The following ZNF518A variants were observed in gnomAD, a reference collection of about 807,000 sequenced individuals.
The protein encoded by ZNF518A is zinc finger protein 518.
A neutral mutation model predicts 102.7 loss-of-function variants in ZNF518A; 47 were observed. The ratio of observed to expected loss-of-function variants is 0.46; its 90% CI spans 0.36 to 0.58. ZNF518A has a LOEUF of 0.58. ZNF518A is among the 20% of genes least tolerant of loss of function. ZNF518A has a pLI of 0.00. For missense variants in ZNF518A, 1,793 were observed against 1,699.8 expected (o/e 1.05, Z -0.96); for synonymous variants, 652 against 594.6 (o/e 1.10, Z -1.40).
rs782670353 is a variant in ZNF518A at position 96,160,627 on chromosome 10, G to C, written c.4305G>C (p.Gln1435His). The C allele has an allele frequency of 6.2e-7, 1 of 1,613,052 alleles. No homozygotes were observed. The highest frequency in any genetic ancestry group is 8.5e-7 in the Non-Finnish European group (1 of 1,179,468). ...AAAAGACAAGCAAAAACAATTACCA[G>C]ATTGTGAAGACTACCTCTGAAAATA... The part of the protein sequence containing the change: ...TLKKTSKNNY[Q>H]IVKTTSENIL... The change falls in exon 6 of 6, where the codon CAG becomes CAC. Residue 1435 changes from glutamine to histidine, a missense_variant. Gln to His is a conservative substitution (Grantham distance 24). Around this residue, in one of 3 missense-constraint regions of ZNF518A, gnomAD observed 30 missense variants for 61.1 expected, o/e 0.49. Coordinates refer to ENST00000316045, the MANE Select transcript of ZNF518A (RefSeq NM_001330736.2).
chr10:96,152,982 A>C (rs587672246), intron 3 of ZNF518A, among the ~76,000 whole-genome samples: 1 of 152,328 alleles, frequency 6.6e-6, no homozygotes, highest in African/African-American at 2.4e-5. Context: ...GAAATCCTGT[A>C]AGAGGTTGTC....
downstream of ZNF518A, chr10:96,204,456 T>G: frequency 7.0e-7 from 1 of 1,433,876 alleles, no homozygotes; most frequent in South Asian, 1.1e-5. Flanking sequence ...TCAGTGTCAC[T>G]GTGCAGTGAA....
rs782642001 is a variant in ZNF518A, at chr10:96,160,570, G to A, written c.4248G>A (p.Val1416=). ...AAACATTTAAACCTGTTAGTTCTGT[G>A]AAAGAAAGATTTGTGCTAAAATTAA... is the stretch of plus-strand genomic sequence containing the variant. ...RHKTFKPVSS[V]KERFVLKLTL... Residue 1416 remains valine (V), a synonymous_variant, in exon 6 of 6, where the codon GTG becomes GTA. Coordinates refer to ENST00000316045, the MANE Select transcript of ZNF518A (RefSeq NM_001330736.2). 5 of 1,611,956 alleles carry A rather than the reference G, an allele frequency of 3.1e-6. No individual in the cohort carries two copies. The highest frequency in any genetic ancestry group is 1.7e-4 in the Middle Eastern group (1 of 6,050).
chr10:96,141,290 T>A (rs2081912058), intron 3 of ZNF518A, among the ~76,000 whole-genome samples: 1 of 151,912 alleles, frequency 6.6e-6, no homozygotes, highest in Non-Finnish European at 1.5e-5. Flanking sequence ...CACTGGCTAT[T>A]CTTTAAGTGG....
intron 1 of ZNF518A, among the ~76,000 whole-genome samples, chr10:96,192,720 G>A (rs1245795886): frequency 1.3e-5 from 2 of 151,938 alleles, no homozygotes; most frequent in African/African-American, 4.8e-5. Flanking sequence ...TTGTCTATGG[G>A]TTTTAATTTA....
chr10:96,131,876 T>C (rs2081355356), intron 1 of ZNF518A, among the ~76,000 whole-genome samples: 1 of 152,220 alleles, frequency 6.6e-6, no homozygotes, highest in South Asian at 2.1e-4. Context: ...TTAGCCTAGA[T>C]CTATAATTTG....
intron 3 of ZNF518A, among the ~76,000 whole-genome samples, chr10:96,136,203 C>T (rs1554874338): frequency 6.6e-6 from 1 of 151,788 alleles, no homozygotes; most frequent in Non-Finnish European, 1.5e-5. Context: ...CATATAATTT[C>T]ATTTTTGTAT....
At chr10:96,164,756 A>T (rs587634923), downstream of ZNF518A, among the ~76,000 whole-genome samples, 3 of 152,342 alleles carry the variant, frequency 2.0e-5, no homozygotes, top group Admixed American at 2.0e-4. Flanking sequence ...AATTTAGGAG[A>T]TGCCAAGAAT....
intron 1 of ZNF518A, among the ~76,000 whole-genome samples, chr10:96,169,025 T>C (rs141462970): frequency 6.6e-6 from 1 of 152,348 alleles, no homozygotes; most frequent in Non-Finnish European, 1.5e-5. Context: ...GTATTATTAC[T>C]AACTTATCTA....
chr10:96,157,209 A>T lies in ZNF518A; in HGVS notation c.887A>T (p.Glu296Val), dbSNP rs781819625. The change falls in exon 6 of 6, where the codon GAA (glutamate) becomes GTA (valine). Residue 296 changes from glutamate to valine, a missense_variant. Glu to Val is a moderately radical substitution (Grantham distance 121). Transcript: ENST00000316045. ...CATTTATATGCAAAAGAAAAACTGG[A>T]AAAAGACAAATATGAAAAAAGAATG... ...KEHLYAKEKL[E>V]KDKYEKRMAK... The T allele has an allele frequency of 3.7e-6, 6 of 1,609,714 alleles. No homozygotes were observed. Among genetic ancestry groups the T allele is most frequent in the Non-Finnish European group, 5.1e-6 (6 of 1,178,256 alleles).
At position 96,157,477 on chromosome 10, in the gene ZNF518A, C is replaced by T. The variant is rs782169818; in HGVS notation, c.1155C>T (p.Ala385=). The change falls in exon 6 of 6, where the codon GCC becomes GCT. Residue 385 remains alanine (A), a synonymous_variant. Coordinates refer to ENST00000316045, the MANE Select transcript of ZNF518A (RefSeq NM_001330736.2). ...TACACTGTGAGAATAATGATAAAGCCCCTGAATCAGAGTCAGAGAAGCCAA... is the reference window on the plus strand; with the variant it reads ...TACACTGTGAGAATAATGATAAAGCTCCTGAATCAGAGTCAGAGAAGCCAA... ...ERLHCENNDK[A]PESESEKPTP... is the part of the protein sequence containing the mutation. 2 of 1,613,562 alleles carry T rather than the reference C, an allele frequency of 1.2e-6. No individual in the cohort carries two copies. The highest frequency in any genetic ancestry group is 1.7e-5 in the Admixed American group (1 of 59,972).
intron 1 of ZNF518A, among the ~76,000 whole-genome samples, chr10:96,175,626 G>C (rs1049951295): frequency 6.6e-6 from 1 of 152,172 alleles, no homozygotes; most frequent in Non-Finnish European, 1.5e-5. Context: ...AGCCACATTG[G>C]TTATAGAGAG....
chr10:96,154,333 A>G (rs2082592081), intron 3 of ZNF518A, among the ~76,000 whole-genome samples: 2 of 151,956 alleles, frequency 1.3e-5, no homozygotes, highest in Non-Finnish European at 2.9e-5. Context: ...AGACCCTGTC[A>G]TCAATCTTTT....
At position 96,198,152 on chromosome 10, in the gene ZNF518A, C is replaced by T. The variant is rs1382814205; in HGVS notation, n.36-5422C>T. 7.2e-5 allele frequency among the ~76,000 whole-genome samples: 11 copies of T among 151,760 alleles called. No homozygotes were observed. The East Asian group carries it at 7.7e-4, about 11-fold the overall frequency. ...AACAAATTATAAGATGTCCAAGGGACGAGAGCTTCAAATGAAGATTTAAGA... is the reference window on the plus strand; with the variant it reads ...AACAAATTATAAGATGTCCAAGGGATGAGAGCTTCAAATGAAGATTTAAGA... On this transcript the variant is annotated intron_variant and non_coding_transcript_variant, in intron 1 of 2. Coordinates refer to the ZNF518A transcript ENST00000442635.
chr10:96,191,565 C>T (rs1183655170), intron 1 of ZNF518A: 2 of 170,478 alleles, frequency 1.2e-5, no homozygotes, highest in Non-Finnish European at 2.5e-5. Context: ...TTAACCAAGA[C>T]TTAATTGTCA....
chr10:96,142,794 A>G (rs983696657), intron 3 of ZNF518A, among the ~76,000 whole-genome samples: 22 of 150,644 alleles, frequency 1.5e-4, no homozygotes, highest in Admixed American at 1.3e-4. Flanking sequence ...TCCGGACCCA[A>G]TGTGTGATTT....
At chr10:96,164,047 G>A (rs192818553), downstream of ZNF518A, among the ~76,000 whole-genome samples, 1 of 152,298 alleles carries the variant, frequency 6.6e-6, no homozygotes, top group Non-Finnish European at 1.5e-5. Flanking sequence ...CTTATGAAGG[G>A]ATTAAAAATG....
intron 3 of ZNF518A, among the ~76,000 whole-genome samples, chr10:96,134,011 G>A (rs1554873368): frequency 6.6e-6 from 1 of 152,172 alleles, no homozygotes. Context: ...AATTCTGAAT[G>A]CTAAGAATTT....
chr10:96,198,800 C>T (rs1479857486), intron 1 of ZNF518A, among the ~76,000 whole-genome samples: 2 of 152,170 alleles, frequency 1.3e-5, no homozygotes, highest in Non-Finnish European at 1.5e-5. Context: ...CTAGGCCCAA[C>T]CGATTCTCCT....
Sources: gnomAD v4.1 joint callset for allele counts (sites outside exome capture counted in the v4.1 genomes callset) on GRCh38, gnomAD v4.1.1 for gene constraint, gnomAD v4.1.1 regional missense constraint, MANE v1.5 for transcripts, NCBI Gene and HGNC (gene_info 2026-07-23, HGNC 2026-07-21) for gene names.